Variants in RORA observed in about 807,000 individuals in gnomAD.
RORA encodes nuclear receptor ROR-alpha.
RORA carries 7 observed loss-of-function variants against 69.5 expected under a neutral mutation model. The observed-to-expected ratio is 0.10, with a 90% CI of 0.06 to 0.19. The LOEUF (loss-of-function observed/expected upper bound fraction) is 0.19, where lower values mean the gene tolerates loss of function less well. RORA is among the 10% of genes least tolerant of loss of function. The pLI, the probability that RORA is intolerant of heterozygous loss-of-function variation, is 1.00. For synonymous variants in RORA, 261 were observed against 240.8 expected (o/e 1.08, Z -0.78); for missense variants, 457 against 663.0 (o/e 0.69, Z 3.41).
chr15:61,104,492 T>G (rs1281485236), intron 1 of RORA, among the ~76,000 whole-genome samples: 1 of 152,184 alleles, frequency 6.6e-6, no homozygotes, highest in East Asian at 1.9e-4. Context: ...ATGTTTATCT[T>G]CACTGCTCTG....
At chr15:60,728,575 T>C (rs144679771) in intron 1 of RORA, among the ~76,000 whole-genome samples, 2 of 152,312 alleles carry the variant, frequency 1.3e-5, no homozygotes, top group African/African-American at 4.8e-5. Context: ...AATTCACTTA[T>C]AAAGTTGAAT....
At chr15:60,982,726 T>C (rs1028400933) in intron 1 of RORA, among the ~76,000 whole-genome samples, 3 of 152,230 alleles carry the variant, frequency 2.0e-5, no homozygotes, top group African/African-American at 7.2e-5. Context: ...GCTTTTTTCA[T>C]TAAGAATTGA....
chr15:60,500,054 G>C (rs766138186), intron 9 of RORA, 50 bp from the exon 10 acceptor site: 11 of 1,141,936 alleles, frequency 9.6e-6, no homozygotes, highest in Non-Finnish European at 1.3e-5. Context: ...CATGGTGTCA[G>C]GATCCTTCTT....
At chr15:60,710,873 C>T (rs1457012358) in intron 1 of RORA, among the ~76,000 whole-genome samples, 1 of 151,882 alleles carries the variant, frequency 6.6e-6, no homozygotes, top group Non-Finnish European at 1.5e-5. Context: ...ATCCTCTATG[C>T]TCCAGAGCAC....
At chr15:60,852,078 G>C (rs2073331890) in intron 1 of RORA, among the ~76,000 whole-genome samples, 1 of 152,198 alleles carries the variant, frequency 6.6e-6, no homozygotes, top group Non-Finnish European at 1.5e-5. Flanking sequence ...GGCCCTGTCA[G>C]AGGGATCCCT....
At chr15:60,535,255 T>C (rs766184505) in intron 2 of RORA, among the ~76,000 whole-genome samples, 1 of 152,152 alleles carries the variant, frequency 6.6e-6, no homozygotes, top group Non-Finnish European at 1.5e-5. Context: ...AGCAAAGAGG[T>C]TTATTGTGTA....
At chr15:60,749,012 C>A (rs1317292726) in intron 1 of RORA, among the ~76,000 whole-genome samples, 1 of 151,946 alleles carries the variant, frequency 6.6e-6, no homozygotes, top group Non-Finnish European at 1.5e-5. Flanking sequence ...TAAGAATCAC[C>A]CCGGGAGCTT....
chr15:60,778,202 C>G (rs561893826), intron 1 of RORA, among the ~76,000 whole-genome samples: 34 of 139,578 alleles, frequency 2.4e-4, no homozygotes, highest in Non-Finnish European at 4.5e-4. Context: ...GCTTACTGAA[C>G]AGCTGGGCTC....
rs185848235 is a variant in RORA at position 61,101,287 on chromosome 15, T to C, written c.166+127766A>G. Among the ~76,000 whole-genome samples the C allele has an allele frequency of 3.5e-4, 53 of 152,158 alleles. 2 individuals are homozygous for C. The East Asian group carries it at 0.01, about 29-fold the overall frequency. On this transcript the variant is annotated intron_variant, in intron 1 of 10. Transcript: ENST00000335670. The stretch of plus-strand genomic sequence containing the variant: ...GACAATGAACAAGTAATCACATAAA[T>C]GAATATCCAGTTGGAAATTGTAACA...
At chr15:60,997,042 T>TGC (rs1411192829) in intron 1 of RORA, among the ~76,000 whole-genome samples, 2 of 148,292 alleles carry the variant, frequency 1.3e-5, no homozygotes, top group Non-Finnish European at 1.5e-5. Context: ...TTGGGGTTTG[T>TGC]GTGTGTGTGT....
At chr15:60,596,279 G>A (rs1478751727) in intron 2 of RORA, among the ~76,000 whole-genome samples, 1 of 152,010 alleles carries the variant, frequency 6.6e-6, no homozygotes, top group Non-Finnish European at 1.5e-5. Flanking sequence ...ACAGCATTTT[G>A]GTTTTGTCTC....
At chr15:60,564,793 G>A (rs889681333) in intron 2 of RORA, among the ~76,000 whole-genome samples, 1 of 152,116 alleles carries the variant, frequency 6.6e-6, no homozygotes, top group South Asian at 2.1e-4. Flanking sequence ...ATTATTCTAA[G>A]ACAATTATAT....
intron 1 of RORA, among the ~76,000 whole-genome samples, chr15:61,003,765 G>A (rs1261115859): frequency 4.6e-5 from 7 of 152,166 alleles, no homozygotes; most frequent in Non-Finnish European, 8.8e-5. Context: ...GCTTTTAGAA[G>A]AAGAAAGAAG....
intron 1 of RORA, among the ~76,000 whole-genome samples, chr15:60,721,601 T>G (rs1372320664): frequency 2.0e-5 from 3 of 152,256 alleles, no homozygotes; most frequent in Non-Finnish European, 4.4e-5. Flanking sequence ...GGTAAATAGC[T>G]ATTTCTTAAC....
chr15:61,035,924 C>A (rs1001313871), intron 1 of RORA, among the ~76,000 whole-genome samples: 2 of 152,020 alleles, frequency 1.3e-5, no homozygotes, highest in Non-Finnish European at 2.9e-5. Context: ...AATAAACCAA[C>A]AAAAGCATGA....
At chr15:60,599,565 A>G (rs2068768741) in intron 2 of RORA, among the ~76,000 whole-genome samples, 1 of 121,102 alleles carries the variant, frequency 8.3e-6, no homozygotes, top group South Asian at 3.3e-4. Flanking sequence ...AAGTAAAGAA[A>G]ATAAAAGAAC....
At chr15:60,566,943 T>C (rs1045157711) in intron 2 of RORA, among the ~76,000 whole-genome samples, 4 of 152,168 alleles carry the variant, frequency 2.6e-5, no homozygotes, top group African/African-American at 9.7e-5. Flanking sequence ...TTAAGGAGTT[T>C]GGACTTATTT....
In RORA at chr15:60,999,811, C is replaced by T. The variant is rs756634810; in HGVS notation, c.166+229242G>A. On this transcript the variant is annotated intron_variant, in intron 1 of 10. Coordinates refer to ENST00000335670, the MANE Select transcript of RORA (RefSeq NM_134261.3). ...CACCAGCTTCAAAGTTGACCCCACC[C>T]GTTCTGAATTGAGGGCGATGAAAAC... is the stretch of plus-strand genomic sequence containing the variant. 1.2e-4 allele frequency among the ~76,000 whole-genome samples: 18 copies of T among 152,144 alleles called. 1 individual carries two copies. In the South Asian group the frequency reaches 1.2e-3, roughly 11 times the overall value.
intron 1 of RORA, among the ~76,000 whole-genome samples, chr15:61,034,816 C>T (rs1412334803): frequency 7.0e-6 from 1 of 143,116 alleles, no homozygotes; most frequent in African/African-American, 2.6e-5. Flanking sequence ...AAAAAATCCA[C>T]TCAAGGAAGT....
Sources: allele counts gnomAD v4.1 joint callset (sites outside exome capture counted in the v4.1 genomes callset), GRCh38; gene constraint gnomAD v4.1.1; transcripts MANE v1.5; gene names NCBI Gene and HGNC (gene_info 2026-07-23, HGNC 2026-07-21).